Variants in MICAL2 observed in about 807,000 individuals in gnomAD.
MICAL2 encodes the protein microtubule associated monooxygenase, calponin and LIM domain containing 2.
MICAL2 carries 77 observed loss-of-function variants against 127.3 expected under a neutral mutation model. The ratio of observed to expected loss-of-function variants is 0.60; its 90% CI spans 0.50 to 0.73. The LOEUF is 0.73. MICAL2 is among the 30% of genes least tolerant of loss of function. The pLI is 0.00. For missense variants in MICAL2, 1,351 were observed against 1,434.4 expected (o/e 0.94, Z 0.94); for synonymous variants, 570 against 551.1 (o/e 1.03, Z -0.48).
At chr11:12,135,808 G>A (rs1344633173) in intron 1 of MICAL2, among the ~76,000 whole-genome samples, 1 of 152,148 alleles carries the variant, frequency 6.6e-6, no homozygotes, top group African/African-American at 2.4e-5. Context: ...TCCACAGTCT[G>A]GGGAGGGGCT....
chr11:12,298,154 TTGTTCATGTC>T (rs1195805609), intron 29 of MICAL2, among the ~76,000 whole-genome samples: 1 of 152,004 alleles, frequency 6.6e-6, no homozygotes, highest in African/African-American at 2.4e-5. Flanking sequence ...ATCTTTCCAT[TTGTTCATGTC>T]TTTTTTGTGA....
chr11:12,352,952 A>T (rs4547075), intron 33 of MICAL2, among the ~76,000 whole-genome samples: 1 of 151,568 alleles, frequency 6.6e-6, no homozygotes, highest in African/African-American at 2.4e-5. Context: ...CTCTCTGCCC[A>T]GTCTGCATGA....
At chr11:12,208,295 A>G (rs1051294360) in intron 5 of MICAL2, 156 bp downstream of exon 5, 3 of 590,124 alleles carry the variant, frequency 5.1e-6, no homozygotes, top group South Asian at 4.3e-5. Flanking sequence ...TTTTTTTACC[A>G]TTGCTATGAC....
rs373418201 is a variant in MICAL2, at chr11:12,226,038, C to T, written c.1689-133C>T. The stretch of plus-strand genomic sequence containing the variant: ...GAACTGGGAGTAGGGGCTGGGGTCA[C>T]TATTCCTCCCCTGTAACCTGCCGAC... On this transcript the variant is annotated intron_variant, in intron 13 of 27. Coordinates refer to ENST00000683283, the MANE Select transcript of MICAL2 (RefSeq NM_001282663.2). 2.0e-5 allele frequency: 16 copies of T among 802,672 alleles called. No individual in the cohort carries two copies. The African/African-American group carries it at 2.3e-4, about 12-fold the overall frequency. 49.7% of individuals were successfully genotyped at this position (802,672 alleles called of 1,614,324 possible).
chr11:12,242,832 C>G, intron 20 of MICAL2, 60 bp downstream of exon 20: 1 of 1,296,472 alleles, frequency 7.7e-7, no homozygotes, highest in Non-Finnish European at 1.1e-6. Context: ...GCCAGGTGAC[C>G]TTGAATCAGG....
chr11:12,285,725 G>A (rs1175015889), intron 2 of MICAL2, among the ~76,000 whole-genome samples: 1 of 152,214 alleles, frequency 6.6e-6, no homozygotes, highest in African/African-American at 2.4e-5. Context: ...TCCACAGCCT[G>A]GCTGCTAAGA....
chr11:12,164,584 C>T (rs1050627432), intron 3 of MICAL2, among the ~76,000 whole-genome samples: 1 of 152,184 alleles, frequency 6.6e-6, no homozygotes, highest in African/African-American at 2.4e-5. Context: ...TTCCCTCCTG[C>T]AAACACATTT....
At chr11:12,346,965 T>C (rs981681987) in intron 32 of MICAL2, among the ~76,000 whole-genome samples, 2 of 152,182 alleles carry the variant, frequency 1.3e-5, no homozygotes, top group African/African-American at 4.8e-5. Context: ...CATCCTTTAA[T>C]GTCCCTTTGT....
Position 12,335,781 on chromosome 11 carries a change from T to C in MICAL2, c.5515+8515T>C, listed in dbSNP as rs557766214. ...ATAGTTGTAGATATGCAGCATTATTTCTGAGAGCTCTGTTCTGTTCCATTG... is the reference window on the plus strand; with the variant it reads ...ATAGTTGTAGATATGCAGCATTATTCCTGAGAGCTCTGTTCTGTTCCATTG... On this transcript the variant is annotated intron_variant, in intron 32 of 34. Transcript: ENST00000646065. 3.3e-5 allele frequency among the ~76,000 whole-genome samples: 5 copies of C among 152,326 alleles called. No homozygotes were observed. The South Asian group carries it at 1.0e-3, about 32-fold the overall frequency.
At chr11:12,330,518 G>A (rs371233958) in intron 32 of MICAL2, among the ~76,000 whole-genome samples, 3 of 152,090 alleles carry the variant, frequency 2.0e-5, no homozygotes, top group Non-Finnish European at 2.9e-5. Flanking sequence ...TTTGTTCTGG[G>A]AGTTATTCAT....
intron 2 of MICAL2, among the ~76,000 whole-genome samples, chr11:12,159,101 CCTT>C (rs1282375691): frequency 3.2e-4 from 49 of 152,190 alleles, no homozygotes; most frequent in African/African-American, 1.1e-3. Flanking sequence ...CTCCACCTCC[CCTT>C]ATCTCACTCT....
At chr11:12,124,956 T>C (rs550983419) in intron 1 of MICAL2, among the ~76,000 whole-genome samples, 10 of 152,328 alleles carry the variant, frequency 6.6e-5, no homozygotes, top group African/African-American at 1.9e-4. Flanking sequence ...CATTCCACCA[T>C]TGTTGTGGGA....
At chr11:12,283,273 G>A (rs1156371261) in intron 2 of MICAL2, among the ~76,000 whole-genome samples, 4 of 149,284 alleles carry the variant, frequency 2.7e-5, no homozygotes, top group South Asian at 2.2e-4. Context: ...TGCCTCCAAG[G>A]TAGACCAAGG....
chr11:12,126,064 C>A (rs1018969536), intron 1 of MICAL2, among the ~76,000 whole-genome samples: 2 of 152,184 alleles, frequency 1.3e-5, no homozygotes, highest in African/African-American at 4.8e-5. Context: ...CTCAGGGAGG[C>A]CCTCCTGCAG....
intron 34 of MICAL2, among the ~76,000 whole-genome samples, chr11:12,357,560 T>A (rs888182388): frequency 6.6e-6 from 1 of 152,172 alleles, no homozygotes; most frequent in Non-Finnish European, 1.5e-5. Context: ...AGATTCTGGC[T>A]GGGCGCTGTG....
At chr11:12,339,491 G>A (rs746513171) in intron 32 of MICAL2, among the ~76,000 whole-genome samples, 1 of 152,158 alleles carries the variant, frequency 6.6e-6, no homozygotes, top group Non-Finnish European at 1.5e-5. Flanking sequence ...TGCTGGTGAG[G>A]AGCTGTGTTC....
intron 32 of MICAL2, among the ~76,000 whole-genome samples, chr11:12,346,892 C>T (rs773511823): frequency 6.6e-6 from 1 of 152,020 alleles, no homozygotes; most frequent in Non-Finnish European, 1.5e-5. Flanking sequence ...TATTTCCCTC[C>T]CTCCTCCCTT....
chr11:12,291,520 G>A (rs1863901127), downstream of MICAL2, among the ~76,000 whole-genome samples: 1 of 152,058 alleles, frequency 6.6e-6, no homozygotes, highest in East Asian at 1.9e-4. Flanking sequence ...TAGCCACACT[G>A]TATCCTGTTT....
chr11:12,328,149 A>G (rs79030505), intron 32 of MICAL2, among the ~76,000 whole-genome samples: 4,333 of 152,260 alleles, frequency 0.028, 102 homozygotes, highest in East Asian at 0.12. Context: ...TTCAAACAGA[A>G]CTCATCTGGT....
Sources: allele counts gnomAD v4.1 joint callset (sites outside exome capture counted in the v4.1 genomes callset), GRCh38; gene constraint gnomAD v4.1.1; transcripts MANE v1.5; gene names NCBI Gene and HGNC (gene_info 2026-07-23, HGNC 2026-07-21).